The following MAGI2 variants were observed in gnomAD, a reference collection of about 807,000 sequenced individuals.
MAGI2 encodes the protein membrane associated guanylate kinase, WW and PDZ domain containing 2.
Under a neutral mutation model 133.3 loss-of-function variants are expected in MAGI2, and 35 were observed. The ratio of observed to expected loss-of-function variants is 0.26; its 90% CI spans 0.20 to 0.35. The LOEUF (loss-of-function observed/expected upper bound fraction) is 0.35. Ranked by LOEUF, MAGI2 falls within the 10% of genes least tolerant of loss-of-function variation. MAGI2 has a pLI of 1.00. For synonymous variants in MAGI2, 729 were observed against 710.6 expected (o/e 1.03, Z -0.41); for missense variants, 1,636 against 1,863.4 (o/e 0.88, Z 2.25).
intron 1 of MAGI2, among the ~76,000 whole-genome samples, chr7:79,105,836 T>G (rs1168443315): frequency 6.6e-6 from 1 of 152,170 alleles, no homozygotes; most frequent in Admixed American, 6.5e-5. Flanking sequence ...TCACCTGGTT[T>G]TTTTTTTCAA....
chr7:78,106,492 C>A (rs1818705938), intron 20 of MAGI2, among the ~76,000 whole-genome samples: 1 of 152,082 alleles, frequency 6.6e-6, no homozygotes, highest in Non-Finnish European at 1.5e-5. Flanking sequence ...CAAGCGTTCC[C>A]CTATCTCCCC....
At chr7:78,544,897 G>A (rs1017507019) in intron 3 of MAGI2, among the ~76,000 whole-genome samples, 1 of 151,648 alleles carries the variant, frequency 6.6e-6, no homozygotes, top group African/African-American at 2.4e-5. Flanking sequence ...GACTTCAGGT[G>A]ATTTGCCTGC....
chr7:78,372,757 A>C (rs1794048477), intron 6 of MAGI2, among the ~76,000 whole-genome samples: 1 of 152,288 alleles, frequency 6.6e-6, no homozygotes, highest in African/African-American at 2.4e-5. Flanking sequence ...ACACGCACCT[A>C]GCTTTGCCTG....
chr7:78,311,741 T>A (rs1798722217), intron 9 of MAGI2, among the ~76,000 whole-genome samples: 1 of 152,106 alleles, frequency 6.6e-6, no homozygotes, highest in East Asian at 1.9e-4. Flanking sequence ...TTAAAAACAT[T>A]AATATGCAAA....
intron 2 of MAGI2, among the ~76,000 whole-genome samples, chr7:79,003,326 T>A (rs1187524364): frequency 6.6e-6 from 1 of 152,196 alleles, no homozygotes; most frequent in Non-Finnish European, 1.5e-5. Flanking sequence ...ATGTAGTGGT[T>A]GTAAGCAGAA....
At chr7:79,292,770 CA>C (rs199933554) in intron 1 of MAGI2, among the ~76,000 whole-genome samples, 1,544 of 56,764 alleles carry the variant, frequency 0.027, 4 homozygotes, top group African/African-American at 0.04. Flanking sequence ...TCAATTTCTG[CA>C]AAAAAAAAAA....
chr7:78,751,327 G>T (rs1036554775), intron 2 of MAGI2, among the ~76,000 whole-genome samples: 1 of 152,132 alleles, frequency 6.6e-6, no homozygotes, highest in African/African-American at 2.4e-5. Flanking sequence ...TTTCATCCAT[G>T]AAACTTTCAC....
chr7:78,453,193 A>G (rs1788913682), intron 6 of MAGI2, among the ~76,000 whole-genome samples: 1 of 152,170 alleles, frequency 6.6e-6, no homozygotes, highest in Non-Finnish European at 1.5e-5. Flanking sequence ...AACAATGTGA[A>G]TATTTCTCGA....
At chr7:79,036,775 A>G (rs561059057) in intron 1 of MAGI2, among the ~76,000 whole-genome samples, 1 of 152,354 alleles carries the variant, frequency 6.6e-6, no homozygotes, top group South Asian at 2.1e-4. Context: ...CTCAAAGTGA[A>G]ATAATAAAGT....
At chr7:78,703,176 T>G (rs1320492137) in intron 2 of MAGI2, among the ~76,000 whole-genome samples, 1 of 152,044 alleles carries the variant, frequency 6.6e-6, no homozygotes, top group Non-Finnish European at 1.5e-5. Flanking sequence ...ATTGAGTTAC[T>G]GCCTAGGAAA....
chr7:78,667,273 C>T (rs1030915617), intron 2 of MAGI2, among the ~76,000 whole-genome samples: 9 of 151,716 alleles, frequency 5.9e-5, no homozygotes, highest in East Asian at 3.9e-4. Context: ...TGGCTACCAC[C>T]GATCTGTTCT....
rs10526268 is a variant in MAGI2, at chr7:78,903,172, CTTTTTTTTTTTTTTTTTTT to C, written c.418+103899_418+103917del. On this transcript the variant is annotated intron_variant, in intron 2 of 21. Coordinates refer to ENST00000354212, the MANE Select transcript of MAGI2 (RefSeq NM_012301.4). ...TTCATGCAAGTGGGAGTTCCTGAATCTTTTTTTTTTTTTTTTTTTTTTTTTTTTTTTTTTTTTTTGAGAC... is the reference window on the plus strand; with the variant it reads ...TTCATGCAAGTGGGAGTTCCTGAATCTTTTTTTTTTTTTTTTTTTTGAGAC... Among the ~76,000 whole-genome samples, 169 of 56,124 alleles carry C rather than the reference CTTTTTTTTTTTTTTTTTTT, an allele frequency of 3.0e-3. 2 individuals are homozygous for C. The highest frequency in any genetic ancestry group is 0.022 in the Middle Eastern group (1 of 46). 36.8% of individuals were successfully genotyped at this position (56,124 alleles called of 152,430 possible). A position where few individuals can be genotyped will look rare whatever the true frequency, so the allele number is the denominator to read the frequency against.
intron 9 of MAGI2, among the ~76,000 whole-genome samples, chr7:78,334,305 C>T (rs1457122142): frequency 6.6e-6 from 1 of 152,114 alleles, no homozygotes; most frequent in Non-Finnish European, 1.5e-5. Flanking sequence ...AGGCCCATCA[C>T]CATGCACATG....
rs562363647 is a variant in MAGI2 at position 78,076,426 on chromosome 7, TC to T, written c.3706+2520del. The stretch of plus-strand genomic sequence containing the variant: ...GTGAACCAAGATCACACCACTCCAC[TC>T]CAGTCTGGGCGACAGAGACCTTGTT... On this transcript the variant is annotated intron_variant, in intron 21 of 21. Coordinates refer to ENST00000354212, the MANE Select transcript of MAGI2 (RefSeq NM_012301.4). Among the ~76,000 whole-genome samples, 3 of 125,306 alleles carry T rather than the reference TC, an allele frequency of 2.4e-5. No individual in the cohort carries two copies. In the South Asian group the frequency reaches 7.9e-4, roughly 33 times the overall value. The allele number at this position is 125,306 out of a possible 152,430, so 82.2% of individuals were successfully genotyped here.
At chr7:79,070,236 G>A (rs1192747178) in intron 1 of MAGI2, among the ~76,000 whole-genome samples, 1 of 151,954 alleles carries the variant, frequency 6.6e-6, no homozygotes, top group Non-Finnish European at 1.5e-5. Context: ...TCACTTTCAG[G>A]TACATCAATC....
chr7:78,047,805 C>A (rs1045003337), intron 21 of MAGI2, among the ~76,000 whole-genome samples: 2 of 152,232 alleles, frequency 1.3e-5, no homozygotes, highest in Non-Finnish European at 2.9e-5. Context: ...CCTTACATTC[C>A]AGTCACACTC....
intron 2 of MAGI2, among the ~76,000 whole-genome samples, chr7:78,933,938 C>T (rs1193986710): frequency 6.6e-6 from 1 of 152,012 alleles, no homozygotes; most frequent in Non-Finnish European, 1.5e-5. Context: ...GGTGTTTCTT[C>T]ACACCTAAAA....
At chr7:78,734,196 T>G (rs1043196016) in intron 2 of MAGI2, among the ~76,000 whole-genome samples, 2 of 152,160 alleles carry the variant, frequency 1.3e-5, no homozygotes, top group African/African-American at 4.8e-5. Flanking sequence ...AATACAGGCA[T>G]CAAATATAGC....
intron 1 of MAGI2, among the ~76,000 whole-genome samples, chr7:79,236,165 G>T (rs1235624042): frequency 1.3e-5 from 2 of 152,162 alleles, no homozygotes; most frequent in African/African-American, 4.8e-5. Flanking sequence ...TTTTCCTTTT[G>T]TCTTATCTGA....
Sources: allele counts gnomAD v4.1 joint callset (sites outside exome capture counted in the v4.1 genomes callset), GRCh38; gene constraint gnomAD v4.1.1; transcripts MANE v1.5; gene names NCBI Gene and HGNC (gene_info 2026-07-23, HGNC 2026-07-21).